Variants in MEGF11 observed in about 807,000 individuals in gnomAD.
The protein encoded by MEGF11 is multiple EGF like domains 11.
MEGF11 carries 126 observed loss-of-function variants against 146.6 expected under a neutral mutation model. The ratio of observed to expected loss-of-function variants is 0.86; its 90% confidence interval spans 0.74 to 1.00. MEGF11 has a LOEUF of 1.00. MEGF11 is among the 50% of genes least tolerant of loss of function. MEGF11 has a pLI of 0.00. For missense variants in MEGF11, 1,509 were observed against 1,521.2 expected (o/e 0.99, Z 0.13); for synonymous variants, 532 against 583.4 (o/e 0.91, Z 1.27).
intron 1 of MEGF11, among the ~76,000 whole-genome samples, chr15:66,239,190 G>A (rs2092158203): frequency 6.6e-6 from 1 of 152,144 alleles, no homozygotes; most frequent in African/African-American, 2.4e-5. Context: ...AGCTGTCATG[G>A]GGGACTCAGC....
chr15:66,029,399 G>T (rs1009460894), intron 5 of MEGF11, among the ~76,000 whole-genome samples: 9 of 152,168 alleles, frequency 5.9e-5, no homozygotes, highest in African/African-American at 2.2e-4. Context: ...CACCTTTCCT[G>T]ACCTCTAAGG....
rs2078738508 is a variant in MEGF11, at chr15:65,909,742, A to ACTC, written c.2893_2894insGAG (p.Leu965delinsTer). ...ACCAGACTCACACCACTACTGACCT[A>ACTC]ACACGTTCACATAGCTGTAGGGGGT... On this transcript the variant is annotated stop_gained, in exon 22 of 26. Coordinates refer to ENST00000395614, the MANE Select transcript of MEGF11 (RefSeq NM_001385028.1). LOFTEE classifies it high-confidence loss of function. 1 of 1,576,656 alleles carries ACTC rather than the reference A, an allele frequency of 6.3e-7. No homozygotes were observed. Among genetic ancestry groups the ACTC allele is most frequent in the Non-Finnish European group, 8.6e-7 (1 of 1,169,130 alleles).
intron 15 of MEGF11, among the ~76,000 whole-genome samples, chr15:65,920,818 C>T (rs1596841157): frequency 6.6e-6 from 1 of 152,222 alleles, no homozygotes; most frequent in Non-Finnish European, 1.5e-5. Flanking sequence ...CCATTAATAG[C>T]AAACTCCATT....
chr15:66,138,749 G>T (rs2089006843), intron 1 of MEGF11, among the ~76,000 whole-genome samples: 2 of 152,160 alleles, frequency 1.3e-5, no homozygotes. Context: ...GCAAAATGGG[G>T]TTAGTAATAA....
intron 1 of MEGF11, among the ~76,000 whole-genome samples, chr15:66,211,329 T>A (rs12916877): frequency 5.3e-5 from 8 of 151,926 alleles, no homozygotes; most frequent in African/African-American, 1.2e-4. Context: ...CGAGACCATC[T>A]TGGCTAACAC....
chr15:66,014,679 C>G (rs1180073663), intron 5 of MEGF11, among the ~76,000 whole-genome samples: 1 of 152,190 alleles, frequency 6.6e-6, no homozygotes, highest in Non-Finnish European at 1.5e-5. Flanking sequence ...CCACCCCACC[C>G]CACCATTCCC....
chr15:65,914,049 C>T (rs535656901), intron 19 of MEGF11, 76 bp from the exon 20 acceptor site: 65 of 1,091,166 alleles, frequency 6.0e-5, no homozygotes, highest in African/African-American at 5.3e-4. Context: ...GGTTCAGATG[C>T]GTGTAACCCC....
chr15:66,238,440 G>A (rs1024865157), intron 1 of MEGF11, among the ~76,000 whole-genome samples: 1 of 152,160 alleles, frequency 6.6e-6, no homozygotes, highest in South Asian at 2.1e-4. Context: ...GGGAAGGTTG[G>A]AGGAGATCCC....
At chr15:65,912,331 C>T (rs751433516) in intron 20 of MEGF11, 131 bp from the exon 21 acceptor site, 9 of 477,108 alleles carry the variant, frequency 1.9e-5, no homozygotes, top group Non-Finnish European at 2.7e-5. Context: ...CCCCATCCCC[C>T]AAGCTTCCTG....
intron 1 of MEGF11, among the ~76,000 whole-genome samples, chr15:66,133,422 C>T (rs888935052): frequency 6.6e-6 from 1 of 152,220 alleles, no homozygotes; most frequent in Non-Finnish European, 1.5e-5. Context: ...TTTCTCCCGG[C>T]ATGTGGGTGG....
chr15:65,979,091 G>C (rs368614), intron 7 of MEGF11, among the ~76,000 whole-genome samples: 122,409 of 152,006 alleles, frequency 0.81, 50,469 homozygotes, highest in Non-Finnish European at 0.91. Context: ...CCCACTCTCC[G>C]TCAAGAAACC....
At chr15:66,084,819 C>T (rs914079138) in intron 5 of MEGF11, among the ~76,000 whole-genome samples, 2 of 152,090 alleles carry the variant, frequency 1.3e-5, no homozygotes, top group African/African-American at 2.4e-5. Flanking sequence ...GGGGAGGGCA[C>T]GAATCTGCTG....
intron 10 of MEGF11, among the ~76,000 whole-genome samples, chr15:65,935,047 G>A (rs2079719566): frequency 6.6e-6 from 1 of 152,166 alleles, no homozygotes; most frequent in Non-Finnish European, 1.5e-5. Flanking sequence ...AAGGCTGGGC[G>A]TGATGGCTCA....
intron 1 of MEGF11, among the ~76,000 whole-genome samples, chr15:66,220,339 G>A (rs2091701891): frequency 6.6e-6 from 1 of 151,798 alleles, no homozygotes; most frequent in South Asian, 2.1e-4. Context: ...TGAATTGATG[G>A]CACAATAATC....
intron 5 of MEGF11, among the ~76,000 whole-genome samples, chr15:66,036,284 A>C (rs571317069): frequency 2.0e-5 from 3 of 152,260 alleles, no homozygotes; most frequent in Non-Finnish European, 2.9e-5. Context: ...CCTCTTCTCT[A>C]TCCTTTCTCC....
intron 10 of MEGF11, among the ~76,000 whole-genome samples, chr15:65,953,751 G>T (rs1242413993): frequency 1.3e-5 from 2 of 151,896 alleles, no homozygotes; most frequent in Non-Finnish European, 2.9e-5. Context: ...AGTGTGTGAA[G>T]GCCAATCCAG....
chr15:66,209,930 C>T (rs946962843), intron 1 of MEGF11, among the ~76,000 whole-genome samples: 6 of 152,128 alleles, frequency 3.9e-5, no homozygotes, highest in Admixed American at 6.5e-5. Context: ...AGTGATCCTC[C>T]CACCTCAGCC....
chr15:65,924,381 G>GA (rs1349996377), intron 13 of MEGF11, among the ~76,000 whole-genome samples: 1 of 135,918 alleles, frequency 7.4e-6, no homozygotes, highest in African/African-American at 2.6e-5. Flanking sequence ...GGTGGGGGGG[G>GA]GGGCAAGTGG....
At chr15:66,051,639 G>T (rs941166283) in intron 5 of MEGF11, among the ~76,000 whole-genome samples, 2 of 152,182 alleles carry the variant, frequency 1.3e-5, no homozygotes, top group Non-Finnish European at 2.9e-5. Context: ...GAAGGTGCTG[G>T]TGGCAGCCAT....
Sources: gnomAD v4.1 joint callset for allele counts (sites outside exome capture counted in the v4.1 genomes callset) on GRCh38, gnomAD v4.1.1 for gene constraint, MANE v1.5 for transcripts, NCBI Gene and HGNC (gene_info 2026-07-23, HGNC 2026-07-21) for gene names.